Variants in C10orf105 observed in about 807,000 individuals in gnomAD.
The protein encoded by C10orf105 is chromosome 10 open reading frame 105.
A neutral mutation model predicts 0.6 loss-of-function variants in C10orf105; 2 were observed. The ratio of observed to expected loss-of-function variants is 3.18; its 90% CI spans 1.30 to 10.01. C10orf105 has a LOEUF of 10.01. Among genes scored for constraint, C10orf105 ranks in the 30% most tolerant of loss-of-function variants. The probability of loss-of-function intolerance (pLI) is 0.04; values close to 1 mark genes in which losing one functional copy is unlikely to be tolerated. For synonymous variants in C10orf105, 95 were observed against 82.4 expected, an observed-to-expected ratio of 1.15 and a Z score of -0.83; for missense variants, 209 against 191.4, an observed-to-expected ratio of 1.09 and a Z score of -0.54.
upstream of C10orf105, among the ~76,000 whole-genome samples, chr10:71,721,137 C>G (rs1369609618): frequency 3.3e-5 from 5 of 152,194 alleles, no homozygotes; most frequent in Admixed American, 6.5e-5. Flanking sequence ...AGGGAGGCAT[C>G]AAGGAAATCT....
At position 71,730,553 on chromosome 10, in the gene C10orf105, G is replaced by A. The variant is rs41281316; in HGVS notation, c.-6+7175C>T. ...CAGCCGTCTGGGGCTTCGAGAGACC[G>A]CAGGCATTGGAACGTCAGTCATCGT... On this transcript the variant is annotated intron_variant, in intron 1 of 1. Coordinates refer to the C10orf105 transcript ENST00000398786. 0.025 allele frequency: 41,061 copies of A among 1,613,902 alleles called. 621 individuals carry two copies. The highest frequency in any genetic ancestry group is 0.035 in the Middle Eastern group (209 of 6,036).
At chr10:71,730,501 G>A (rs1839336095) in intron 1 of C10orf105, 2 of 1,613,940 alleles carry the variant, frequency 1.2e-6, no homozygotes, top group South Asian at 1.1e-5. Context: ...TCAACGATGA[G>A]GCCCCCGTGT....
upstream of C10orf105, among the ~76,000 whole-genome samples, chr10:71,720,337 G>T (rs1346651589): frequency 6.6e-6 from 1 of 152,004 alleles, no homozygotes; most frequent in Admixed American, 6.5e-5. Flanking sequence ...AGGGCAGAAA[G>T]CATAGGACTG....
chr10:71,725,829 G>A (rs1564759891), intron 1 of C10orf105, among the ~76,000 whole-genome samples: 1 of 152,168 alleles, frequency 6.6e-6, no homozygotes, highest in African/African-American at 2.4e-5. Flanking sequence ...GTAAGTCAAG[G>A]AAATCTCACT....
At chr10:71,732,440 T>C (rs1483475165) in intron 1 of C10orf105, 1 of 1,543,336 alleles carries the variant, frequency 6.5e-7, no homozygotes, top group East Asian at 2.4e-5. Flanking sequence ...GAGCTCCTTC[T>C]GTGTGCACAG....
exon 1 of C10orf105, chr10:71,737,798 C>T: frequency 2.1e-6 from 1 of 466,964 alleles, no homozygotes; most frequent in Non-Finnish European, 4.4e-6. Context: ...GGCCTTCACT[C>T]TCCTGCCTCT....
chr10:71,717,750 G>A (rs1033818377), intron 1 of C10orf105: 20 of 152,220 alleles, frequency 1.3e-4, no homozygotes, highest in African/African-American at 4.8e-4. Flanking sequence ...AGCTCTGTCA[G>A]TTTCCCAAGA....
rs1456251393 is a variant in C10orf105, at chr10:71,716,277, A to T, written c.61T>A (p.Ser21Thr). 2.6e-6 allele frequency: 4 copies of T among 1,533,554 alleles called. No homozygotes were observed. The Admixed American group carries it at 6.1e-5, about 23-fold the overall frequency. The allele number at this position is 1,533,554 out of a possible 1,614,324, so 95.0% of individuals were successfully genotyped here. ...SPAISPLAFL[S>T]APVTPGTLAE... ...AGGGTCCCGGGAGTGACGGGAGCTG[A>T]GAGAAAGGCGAGGGGGCTGATGGCT... Residue 21 changes from serine (S) to threonine (T), a missense_variant, in exon 2 of 2, where the codon TCA becomes ACA. Coordinates refer to ENST00000441508, the MANE Select transcript of C10orf105 (RefSeq NM_001164375.3).
chr10:71,721,898 C>T (rs1374660322), upstream of C10orf105, among the ~76,000 whole-genome samples: 4 of 152,250 alleles, frequency 2.6e-5, no homozygotes, highest in Non-Finnish European at 5.9e-5. Flanking sequence ...CCAGCTGCCT[C>T]TACTTCAGCT....
chr10:71,725,576 T>C, intron 1 of C10orf105: 1 of 1,568,720 alleles, frequency 6.4e-7, no homozygotes, highest in East Asian at 2.3e-5. Flanking sequence ...AGCCCACAGC[T>C]AGAACAGAGA....
upstream of C10orf105, among the ~76,000 whole-genome samples, chr10:71,720,895 G>A (rs774222849): frequency 7.2e-5 from 11 of 152,220 alleles, no homozygotes; most frequent in Admixed American, 3.9e-4. Context: ...CCCCTGTGCT[G>A]GGTGGGCAGG....
At chr10:71,729,840 A>ATT (rs111460455) in intron 1 of C10orf105, among the ~76,000 whole-genome samples, 4 of 147,070 alleles carry the variant, frequency 2.7e-5, no homozygotes, top group African/African-American at 5.0e-5. Context: ...ATTATTATTA[A>ATT]TTTTTTTTTT....
intron 1 of C10orf105, 41 bp from the exon 2 acceptor site, chr10:71,716,383 T>C: frequency 6.9e-7 from 1 of 1,445,408 alleles, no homozygotes; most frequent in Non-Finnish European, 9.2e-7. Flanking sequence ...GCAGATCAGC[T>C]GGACCCAGGG....
upstream of C10orf105, among the ~76,000 whole-genome samples, chr10:71,722,439 C>T (rs1257516821): frequency 6.6e-6 from 1 of 152,186 alleles, no homozygotes; most frequent in Non-Finnish European, 1.5e-5. Flanking sequence ...TTGTATGTGT[C>T]CTGCATTCGT....
chr10:71,715,920 G>A lies in C10orf105; in HGVS notation c.*16C>T, dbSNP rs1324465074. The A allele has an allele frequency of 2.1e-6, 3 of 1,449,804 alleles. No homozygotes were observed. Among genetic ancestry groups the A allele is most frequent in the East Asian group, 5.1e-5 (2 of 38,892 alleles). 89.8% of individuals were successfully genotyped at this position (1,449,804 alleles called of 1,614,324 possible). A position where few individuals can be genotyped will look rare whatever the true frequency, so the allele number is the denominator to read the frequency against. The stretch of plus-strand genomic sequence containing the variant: ...TAGACCTAGGGGGATGTGGGGGCAT[G>A]TTTGTGGACACCCCATTACATCTTG... On this transcript the variant is annotated 3_prime_UTR_variant, in exon 2 of 2. Transcript: ENST00000441508.
upstream of C10orf105, chr10:71,719,839 T>C (rs1866466196): frequency 6.6e-6 from 1 of 152,464 alleles, no homozygotes; most frequent in African/African-American, 2.4e-5. Flanking sequence ...GGCCCTGCCT[T>C]GGGGGAGGGG....
intron 1 of C10orf105, among the ~76,000 whole-genome samples, chr10:71,730,125 C>A (rs1839315771): frequency 1.3e-5 from 2 of 152,194 alleles, no homozygotes; most frequent in South Asian, 4.1e-4. Flanking sequence ...GCGTGAGCCA[C>A]CGCGCCCGGC....
chr10:71,730,888 A>C (rs1288545124), intron 1 of C10orf105, among the ~76,000 whole-genome samples: 1 of 152,236 alleles, frequency 6.6e-6, no homozygotes, highest in Non-Finnish European at 1.5e-5. Flanking sequence ...AGCAGCTCCC[A>C]CTAGCCTTTA....
intron 1 of C10orf105, among the ~76,000 whole-genome samples, chr10:71,728,925 G>T (rs550937771): frequency 6.6e-6 from 1 of 152,042 alleles, no homozygotes; most frequent in Non-Finnish European, 1.5e-5. Context: ...CAAACTCCTG[G>T]GCTCAAGCGA....
Sources: allele counts gnomAD v4.1 joint callset (sites outside exome capture counted in the v4.1 genomes callset), GRCh38; gene constraint gnomAD v4.1.1; transcripts MANE v1.5; gene names NCBI Gene and HGNC (gene_info 2026-07-23, HGNC 2026-07-21).